ZNF608: variants seen among roughly 807,000 people sequenced by gnomAD.
The protein encoded by ZNF608 is renal carcinoma antigen NY-REN-36.
In ZNF608, 12 loss-of-function variants were observed where a neutral mutation model predicts 109.0. The ratio of observed to expected loss-of-function variants is 0.11; its 90% CI spans 0.07 to 0.18. ZNF608 has a LOEUF of 0.18. ZNF608 is among the 10% of genes least tolerant of loss of function. The pLI is 1.00. For missense variants in ZNF608, 1,707 were observed against 1,879.3 expected (o/e 0.91, Z 1.70); for synonymous variants, 732 against 717.4 (o/e 1.02, Z -0.33).
Position 124,744,245 on chromosome 5 carries a change from G to C in ZNF608, c.745C>G (p.Pro249Ala). 6.2e-7 allele frequency: 1 copy of C among 1,613,550 alleles called. No individual in the cohort carries two copies. Among genetic ancestry groups the C allele is most frequent in the Non-Finnish European group, 8.5e-7 (1 of 1,179,902 alleles). Residue 249 changes from proline to alanine, a missense_variant, in exon 2 of 10, where the codon CCC becomes GCC. This residue lies in a region of ZNF608 where 407 missense variants were observed against 398.7 expected (regional missense o/e 1.02). Coordinates refer to ENST00000513986, the MANE Select transcript of ZNF608 (RefSeq NM_020747.3). This position sits in a 1 kb window ranked among gnomAD's most constrained non-coding sequence, Gnocchi z 4.5. ...GAKSNGGGAS[P>A]FHCGGTGSGS... ...CTCCCAGTGCCCCCGCAGTGGAAGG[G>C]GCTCGCGCCACCTCCATTGCTCTTG... is the stretch of plus-strand genomic sequence containing the variant.
At chr5:124,738,992 T>G (rs377507949) in intron 2 of ZNF608, among the ~76,000 whole-genome samples, 111 of 152,338 alleles carry the variant, frequency 7.3e-4, no homozygotes, top group African/African-American at 2.6e-3. Flanking sequence ...ATTTAAGTGC[T>G]TGTGGCTAAA....
chr5:124,718,023 G>A (rs1347976359), intron 2 of ZNF608, among the ~76,000 whole-genome samples: 2 of 152,176 alleles, frequency 1.3e-5, no homozygotes, highest in Non-Finnish European at 2.9e-5. Flanking sequence ...CTGAGCAATT[G>A]GTGCTCTCTC....
At chr5:124,731,113 T>G (rs1427939727) in intron 2 of ZNF608, among the ~76,000 whole-genome samples, 2 of 152,270 alleles carry the variant, frequency 1.3e-5, no homozygotes, top group African/African-American at 2.4e-5. Context: ...GGTGAGCATC[T>G]GCAGGTTTTC....
At chr5:124,645,417 T>A (rs1271555835) in intron 5 of ZNF608, among the ~76,000 whole-genome samples, 1 of 152,170 alleles carries the variant, frequency 6.6e-6, no homozygotes, top group Non-Finnish European at 1.5e-5. Context: ...GCCTTTGTGA[T>A]CCCCATCCCA....
At chr5:124,748,198 A>G (rs759591883), upstream of ZNF608, among the ~76,000 whole-genome samples, 53 of 152,250 alleles carry the variant, frequency 3.5e-4, no homozygotes, top group Non-Finnish European at 5.6e-4. Flanking sequence ...GGGTCTGCCC[A>G]GCTAGGACAG....
chr5:124,671,604 C>G (rs1751724563), intron 3 of ZNF608, among the ~76,000 whole-genome samples: 1 of 150,538 alleles, frequency 6.6e-6, no homozygotes, highest in Non-Finnish European at 1.5e-5. Context: ...ATCTTTGGGG[C>G]TAAGAAACAG....
chr5:124,689,119 C>G (rs1752509288), intron 3 of ZNF608, among the ~76,000 whole-genome samples: 2 of 152,018 alleles, frequency 1.3e-5, no homozygotes. Context: ...AAGCTAAAGA[C>G]CAGGCATACT....
intron 3 of ZNF608, among the ~76,000 whole-genome samples, chr5:124,676,151 A>C (rs1356871847): frequency 6.6e-6 from 1 of 152,190 alleles, no homozygotes. Flanking sequence ...ACATTAAATG[A>C]AGTCAAAGAG....
At position 124,643,535 on chromosome 5, in the gene ZNF608, G is replaced by A; in HGVS notation, c.4272C>T (p.Asn1424=). 1 of 1,614,184 alleles carries A rather than the reference G, an allele frequency of 6.2e-7. No homozygotes were observed. The highest frequency in any genetic ancestry group is 8.5e-7 in the Non-Finnish European group (1 of 1,180,020). Residue 1424 remains asparagine, a synonymous_variant, in exon 7 of 10, where the codon AAC becomes AAT. Coordinates refer to ENST00000513986, the MANE Select transcript of ZNF608 (RefSeq NM_020747.3). Reference sequence around the variant, plus strand: ...CAGCAGGAGACTTGCTGCGGTATTGGTTAGCATGCTGCTGGAGCAAATCCA... The same window carrying A: ...CAGCAGGAGACTTGCTGCGGTATTGATTAGCATGCTGCTGGAGCAAATCCA... ...KALDLLQQHA[N]QYRSKSPAPV...
At chr5:124,696,052 C>T (rs751609006) in intron 3 of ZNF608, among the ~76,000 whole-genome samples, 23 of 151,804 alleles carry the variant, frequency 1.5e-4, no homozygotes, top group Non-Finnish European at 2.8e-4. Context: ...GGTGTGGTGG[C>T]GCATGCCTGT....
chr5:124,652,180 A>G lies in ZNF608; in HGVS notation c.1163-2483T>C, dbSNP rs926004068. 3.3e-5 allele frequency among the ~76,000 whole-genome samples: 5 copies of G among 152,324 alleles called. No homozygotes were observed. The South Asian group carries it at 1.0e-3, about 32-fold the overall frequency. ...TCACAAAGGCTAATCTGCAGTTGCA[A>G]CTTCCTCACTGTAAAATTATTCACA... On this transcript the variant is annotated intron_variant, in intron 3 of 9. Transcript: ENST00000513986.
chr5:124,639,189 G>A lies in ZNF608; in HGVS notation c.4476C>T (p.Ala1492=). Residue 1492 remains alanine (A), a synonymous_variant, in exon 9 of 10, where the codon GCC becomes GCT. Coordinates refer to ENST00000513986, the MANE Select transcript of ZNF608 (RefSeq NM_020747.3). ...ATGCCTGGGCAGCCACCTGCTGAGAGGCAACAAGGGCAGCAGAGGTCAAGC... is the reference window on the plus strand; with the variant it reads ...ATGCCTGGGCAGCCACCTGCTGAGAAGCAACAAGGGCAGCAGAGGTCAAGC... ...FQGLTSAALV[A]SQQVAAQASA... 6.2e-7 allele frequency: 1 copy of A among 1,614,216 alleles called. No homozygotes were observed. The highest frequency in any genetic ancestry group is 1.1e-5 in the South Asian group (1 of 91,086).
intron 9 of ZNF608, chr5:124,638,824 C>A: frequency 8.9e-7 from 1 of 1,123,032 alleles, no homozygotes; most frequent in Non-Finnish European, 1.1e-6. Context: ...GCGACTTTAT[C>A]TTTAAACATA....
chr5:124,746,032 A>T (rs1276167057), intron 1 of ZNF608, 163 bp downstream of exon 1: 1 of 639,670 alleles, frequency 1.6e-6, no homozygotes, highest in Non-Finnish European at 1.9e-6. Context: ...ACTTTAAGTG[A>T]TCTGCGCCAA....
chr5:124,693,075 C>T (rs113828990), intron 3 of ZNF608, among the ~76,000 whole-genome samples: 12 of 152,090 alleles, frequency 7.9e-5, no homozygotes, highest in African/African-American at 1.7e-4. Context: ...AAATGAATTG[C>T]GGTGATGGTG....
chr5:124,731,313 C>G (rs1020480468), intron 2 of ZNF608, among the ~76,000 whole-genome samples: 1 of 152,092 alleles, frequency 6.6e-6, no homozygotes, highest in African/African-American at 2.4e-5. Flanking sequence ...CGGGTTCAAG[C>G]GATTCTCCTG....
intron 2 of ZNF608, among the ~76,000 whole-genome samples, chr5:124,709,275 G>A (rs2149862986): frequency 6.6e-6 from 1 of 151,564 alleles, no homozygotes; most frequent in Non-Finnish European, 1.5e-5. Flanking sequence ...CTGCCAGAAG[G>A]ATCCCTATAT....
Position 124,649,707 on chromosome 5 carries a change from G to T in ZNF608, c.1163-10C>A. On this transcript the variant is annotated splice_polypyrimidine_tract_variant and intron_variant, in intron 3 of 9. Transcript: ENST00000513986. ...TTGACCACTAGGACACCTGCAGGAGGCAGGGGATGAAAAAGGATCATAGTT... is the reference window on the plus strand; with the variant it reads ...TTGACCACTAGGACACCTGCAGGAGTCAGGGGATGAAAAAGGATCATAGTT... The T allele has an allele frequency of 1.3e-6, 2 of 1,554,670 alleles. No homozygotes were observed. The highest frequency in any genetic ancestry group is 1.7e-6 in the Non-Finnish European group (2 of 1,142,896).
chr5:124,745,116 TCC>T lies in ZNF608; in HGVS notation c.-129_-128del. On this transcript the variant is annotated 5_prime_UTR_variant, in exon 2 of 10. Transcript: ENST00000513986. ...AATCTTCTAATCTTCCTCTTCTTTT[TCC>T]TGCCCCACGAATGTGTCCAGGGATT... The T allele has an allele frequency of 6.9e-7, 1 of 1,446,666 alleles. No homozygotes were observed. Among genetic ancestry groups the T allele is most frequent in the Non-Finnish European group, 9.0e-7 (1 of 1,108,594 alleles). 89.6% of individuals were successfully genotyped at this position (1,446,666 alleles called of 1,614,324 possible).
Sources: allele counts gnomAD v4.1 joint callset (sites outside exome capture counted in the v4.1 genomes callset), GRCh38; gene constraint gnomAD v4.1.1; regional missense constraint gnomAD v4.1.1; non-coding constraint Gnocchi (gnomAD v3.1); transcripts MANE v1.5; gene names NCBI Gene and HGNC (gene_info 2026-07-23, HGNC 2026-07-21).